Variants in SRGAP3 observed in about 807,000 individuals in gnomAD.
The protein encoded by SRGAP3 is SLIT-ROBO Rho GTPase-activating protein 3.
SRGAP3 carries 39 observed loss-of-function variants against 121.1 expected under a neutral mutation model. The observed-to-expected ratio is 0.32, with a 90% confidence interval of 0.25 to 0.42. The LOEUF (loss-of-function observed/expected upper bound fraction) is 0.42. Ranked by LOEUF, SRGAP3 falls within the 10% of genes least tolerant of loss-of-function variation. The pLI, the probability that SRGAP3 is intolerant of heterozygous loss-of-function variation, is 1.00. For missense variants in SRGAP3, 1,213 were observed against 1,470.6 expected, an observed-to-expected ratio of 0.82 and a Z score of 2.86; for synonymous variants, 601 against 570.0, an observed-to-expected ratio of 1.05 and a Z score of -0.77.
chr3:9,098,780 AT>A (rs1383768115), intron 3 of SRGAP3, among the ~76,000 whole-genome samples: 13 of 152,320 alleles, frequency 8.5e-5, no homozygotes, highest in African/African-American at 3.1e-4. Context: ...ACTGTTTGTT[AT>A]CTATAATTAT....
At chr3:9,329,801 C>A (rs1488647039) in intron 2 of SRGAP3, among the ~76,000 whole-genome samples, 1 of 152,080 alleles carries the variant, frequency 6.6e-6, no homozygotes, top group Non-Finnish European at 1.5e-5. Flanking sequence ...AAAAGCTCCC[C>A]ATGTCCCACG....
intron 7 of SRGAP3, among the ~76,000 whole-genome samples, chr3:9,057,667 A>G (rs1007146264): frequency 2.6e-5 from 4 of 152,360 alleles, no homozygotes; most frequent in East Asian, 3.9e-4. Context: ...AGTGACACAG[A>G]CAAGCTCAGG....
intron 3 of SRGAP3, among the ~76,000 whole-genome samples, chr3:9,299,452 C>G (rs1195190037): frequency 6.6e-6 from 1 of 152,216 alleles, no homozygotes; most frequent in African/African-American, 2.4e-5. Flanking sequence ...ATGTTACTGC[C>G]ACTGCAAAAG....
Position 8,999,650 on chromosome 3 carries a change from T to A in SRGAP3, c.2228-5127A>T, listed in dbSNP as rs536291240. Reference sequence around the variant, plus strand: ...GCTGAGAATGTGGGTGTACCTTCTCTTCTCCGTCATCTTCCCTGTGATGAG... The same window carrying A: ...GCTGAGAATGTGGGTGTACCTTCTCATCTCCGTCATCTTCCCTGTGATGAG... On this transcript the variant is annotated intron_variant, in intron 18 of 21. Coordinates refer to ENST00000383836, the MANE Select transcript of SRGAP3 (RefSeq NM_014850.4). 1.1e-4 allele frequency among the ~76,000 whole-genome samples: 16 copies of A among 152,302 alleles called. No homozygotes were observed. In the East Asian group the frequency reaches 2.9e-3, roughly 28 times the overall value.
chr3:9,162,186 G>C (rs575788892), intron 1 of SRGAP3, among the ~76,000 whole-genome samples: 1 of 151,966 alleles, frequency 6.6e-6, no homozygotes, highest in South Asian at 2.1e-4. Flanking sequence ...TTTCAGTTGC[G>C]GAAGAAAAAA....
intron 1 of SRGAP3, among the ~76,000 whole-genome samples, chr3:9,352,135 G>C (rs979095211): frequency 6.6e-6 from 1 of 152,018 alleles, no homozygotes; most frequent in East Asian, 1.9e-4. Flanking sequence ...TGCAGTTTTT[G>C]CCTTTATAAT....
chr3:9,015,535 T>C, intron 15 of SRGAP3, 62 bp downstream of exon 15: 1 of 1,606,350 alleles, frequency 6.2e-7, no homozygotes. Context: ...GCAGTAAGCC[T>C]GTAGCTCAAC....
At chr3:9,001,128 G>A (rs1466381528) in intron 18 of SRGAP3, among the ~76,000 whole-genome samples, 3 of 152,218 alleles carry the variant, frequency 2.0e-5, no homozygotes, top group African/African-American at 7.2e-5. Flanking sequence ...CAGGTACAAT[G>A]TTAGAGTTAG....
intron 1 of SRGAP3, among the ~76,000 whole-genome samples, chr3:9,350,472 C>T (rs1285032561): frequency 6.6e-6 from 1 of 152,202 alleles, no homozygotes; most frequent in Non-Finnish European, 1.5e-5. Context: ...CTTTGAGATG[C>T]TGGATGAAAT....
intron 11 of SRGAP3, chr3:9,035,538 G>C (rs1250698798): frequency 5.4e-6 from 1 of 184,008 alleles, no homozygotes; most frequent in African/African-American, 2.4e-5. Flanking sequence ...GGGGAGCAGG[G>C]GGGCAGCTCG....
intron 2 of SRGAP3, among the ~76,000 whole-genome samples, chr3:9,119,946 C>G (rs534639044): frequency 1.3e-5 from 2 of 152,238 alleles, no homozygotes; most frequent in Non-Finnish European, 2.9e-5. Flanking sequence ...AATCACCCAG[C>G]TGAGCCCTGT....
intron 20 of SRGAP3, among the ~76,000 whole-genome samples, chr3:8,991,289 C>A (rs1409427600): frequency 6.6e-6 from 1 of 152,170 alleles, no homozygotes; most frequent in African/African-American, 2.4e-5. Flanking sequence ...CAGCACCCTG[C>A]AAGCACAGTT....
At chr3:9,179,893 C>T (rs1306790973) in intron 1 of SRGAP3, among the ~76,000 whole-genome samples, 1 of 152,216 alleles carries the variant, frequency 6.6e-6, no homozygotes, top group African/African-American at 2.4e-5. Flanking sequence ...TTTGGGCTGT[C>T]CTGTTCAGTG....
At chr3:9,041,453 T>C (rs1315434751) in intron 10 of SRGAP3, among the ~76,000 whole-genome samples, 4 of 152,240 alleles carry the variant, frequency 2.6e-5, no homozygotes, top group Non-Finnish European at 1.5e-5. Context: ...GATTAAATAA[T>C]ATCTTTTCCT....
At chr3:9,095,255 T>C (rs368358788) in intron 3 of SRGAP3, among the ~76,000 whole-genome samples, 15 of 152,196 alleles carry the variant, frequency 9.9e-5, no homozygotes, top group African/African-American at 3.6e-4. Context: ...TATTTATTTA[T>C]TGTTGTATGG....
At chr3:9,023,683 C>A (rs1332936816) in intron 14 of SRGAP3, among the ~76,000 whole-genome samples, 1 of 152,158 alleles carries the variant, frequency 6.6e-6, no homozygotes, top group African/African-American at 2.4e-5. Flanking sequence ...CATTTCCAGG[C>A]CCTTGTCCAT....
At chr3:9,167,301 T>A (rs528983443) in intron 1 of SRGAP3, among the ~76,000 whole-genome samples, 1 of 152,320 alleles carries the variant, frequency 6.6e-6, no homozygotes, top group East Asian at 1.9e-4. Flanking sequence ...ACAGAGGCCC[T>A]GACTCATCCT....
At chr3:9,343,543 G>T (rs1398758498) in intron 1 of SRGAP3, among the ~76,000 whole-genome samples, 1 of 152,050 alleles carries the variant, frequency 6.6e-6, no homozygotes, top group Non-Finnish European at 1.5e-5. Flanking sequence ...AGACATTTCA[G>T]AAAAATCCTT....
intron 1 of SRGAP3, among the ~76,000 whole-genome samples, chr3:9,197,126 T>G (rs973402760): frequency 6.6e-6 from 1 of 152,232 alleles, no homozygotes; most frequent in African/African-American, 2.4e-5. Flanking sequence ...GGGATTCGTA[T>G]AGATGACAGG....
Sources: allele counts gnomAD v4.1 joint callset (sites outside exome capture counted in the v4.1 genomes callset), GRCh38; gene constraint gnomAD v4.1.1; transcripts MANE v1.5; gene names NCBI Gene and HGNC (gene_info 2026-07-23, HGNC 2026-07-21).